The following ZC3H6 variants were observed in gnomAD, a reference collection of about 807,000 sequenced individuals.
ZC3H6 encodes the protein zinc finger CCCH domain-containing protein 6.
A neutral mutation model predicts 107.7 loss-of-function variants in ZC3H6; 40 were observed. The ratio of observed to expected loss-of-function variants is 0.37; its 90% CI spans 0.29 to 0.48. The LOEUF is 0.48. Ranked by LOEUF, ZC3H6 falls within the 20% of genes least tolerant of loss-of-function variation. The pLI is 0.98. For synonymous variants in ZC3H6, 493 were observed against 487.9 expected, an observed-to-expected ratio of 1.01 and a Z score of -0.14; for missense variants, 1,267 against 1,410.4, an observed-to-expected ratio of 0.90 and a Z score of 1.63.
intron 7 of ZC3H6, among the ~76,000 whole-genome samples, chr2:112,319,462 A>G (rs190974311): frequency 6.6e-6 from 1 of 152,318 alleles, no homozygotes; most frequent in Non-Finnish European, 1.5e-5. Flanking sequence ...CCTGGCCAAC[A>G]TAGTGAAACC....
intron 7 of ZC3H6, among the ~76,000 whole-genome samples, chr2:112,320,051 G>C (rs986358107): frequency 6.6e-6 from 1 of 152,154 alleles, no homozygotes; most frequent in Non-Finnish European, 1.5e-5. Flanking sequence ...TCCTGCCTCA[G>C]CCTCCCGAGT....
intron 9 of ZC3H6, among the ~76,000 whole-genome samples, chr2:112,323,449 C>T (rs1676842729): frequency 6.6e-6 from 1 of 152,116 alleles, no homozygotes; most frequent in African/African-American, 2.4e-5. Context: ...AACAAGAAAT[C>T]TATAGCAAAT....
intron 1 of ZC3H6, among the ~76,000 whole-genome samples, chr2:112,295,142 C>T (rs1676209125): frequency 6.6e-6 from 1 of 152,004 alleles, no homozygotes; most frequent in Admixed American, 6.6e-5. Context: ...ATAGATTTGC[C>T]TAAGATATAA....
intron 8 of ZC3H6, among the ~76,000 whole-genome samples, chr2:112,322,347 A>G (rs1295075226): frequency 3.9e-5 from 5 of 129,712 alleles, no homozygotes; most frequent in Non-Finnish European, 8.3e-5. Flanking sequence ...ACCGCCCCCC[A>G]CCCCTGCCCC....
At chr2:112,307,702 C>T (rs1048645155) in intron 3 of ZC3H6, among the ~76,000 whole-genome samples, 44 of 152,158 alleles carry the variant, frequency 2.9e-4, no homozygotes, top group African/African-American at 1.0e-3. Context: ...AGGACCTTAG[C>T]AGTCCACACT....
chr2:112,298,750 C>T (rs911170449), intron 1 of ZC3H6, among the ~76,000 whole-genome samples: 4 of 152,156 alleles, frequency 2.6e-5, no homozygotes, highest in African/African-American at 9.6e-5. Flanking sequence ...TACAAATTGT[C>T]GTATGCACAC....
chr2:112,278,682 G>T (rs1048932736), intron 1 of ZC3H6, among the ~76,000 whole-genome samples: 2 of 152,156 alleles, frequency 1.3e-5, no homozygotes, highest in African/African-American at 4.8e-5. Context: ...GAAAAAAAAT[G>T]AAGCCTATGA....
intron 1 of ZC3H6, among the ~76,000 whole-genome samples, chr2:112,296,660 G>A (rs1676241302): frequency 2.0e-5 from 3 of 152,132 alleles, no homozygotes; most frequent in Admixed American, 1.3e-4. Flanking sequence ...TATAGTAGAA[G>A]CTGGGGAAAA....
At chr2:112,327,018 GT>G (rs1676918416) in intron 11 of ZC3H6, among the ~76,000 whole-genome samples, 1 of 152,146 alleles carries the variant, frequency 6.6e-6, no homozygotes, top group Non-Finnish European at 1.5e-5. Flanking sequence ...CTGATTTCCT[GT>G]CTTTTGGGTA....
chr2:112,285,139 A>G (rs1377779712), intron 1 of ZC3H6, among the ~76,000 whole-genome samples: 2 of 152,144 alleles, frequency 1.3e-5, no homozygotes, highest in African/African-American at 2.4e-5. Flanking sequence ...AACTCTCTCA[A>G]TATTATTACA....
rs1677133685 is a variant in ZC3H6 at position 112,336,186 on chromosome 2, A to G, written c.*3698A>G. The G allele has an allele frequency of 6.6e-6, 1 of 152,212 alleles. No homozygotes were observed. The highest frequency in any genetic ancestry group is 2.4e-5 in the African/African-American group (1 of 41,464). The allele number at this position is 152,212 out of a possible 1,614,324, so 9.4% of individuals were successfully genotyped here. ...AGTTAGGAAGCTCCTAGGGACCAGG[A>G]TATGAGATCTTAAAGAGGCTGTCAG... is the stretch of plus-strand genomic sequence containing the variant. On this transcript the variant is annotated 3_prime_UTR_variant, in exon 12 of 12. Transcript: ENST00000409871.
chr2:112,295,207 C>T (rs1431758963), intron 1 of ZC3H6, among the ~76,000 whole-genome samples: 1 of 152,066 alleles, frequency 6.6e-6, no homozygotes, highest in Non-Finnish European at 1.5e-5. Flanking sequence ...GTCATTGGTA[C>T]AAGAACATGA....
chr2:112,296,457 T>C (rs1676235074), intron 1 of ZC3H6, among the ~76,000 whole-genome samples: 1 of 152,250 alleles, frequency 6.6e-6, no homozygotes, highest in African/African-American at 2.4e-5. Flanking sequence ...TATTTATAAT[T>C]TTTTACTATT....
intron 1 of ZC3H6, among the ~76,000 whole-genome samples, chr2:112,280,942 G>T (rs987628528): frequency 5.3e-4 from 80 of 151,210 alleles, no homozygotes; most frequent in African/African-American, 1.8e-3. Flanking sequence ...AGGAGGAAAT[G>T]GACTACAGAA....
At chr2:112,284,167 G>A (rs1391074697) in intron 1 of ZC3H6, among the ~76,000 whole-genome samples, 1 of 138,782 alleles carries the variant, frequency 7.2e-6, no homozygotes, top group East Asian at 1.9e-4. Flanking sequence ...GTGTGGGGTT[G>A]AGTTTTTTAT....
rs183992382 is a variant in ZC3H6, at chr2:112,311,886, A to T, written c.696A>T (p.Gly232=). The T allele has an allele frequency of 4.3e-6, 7 of 1,613,404 alleles. No individual in the cohort carries two copies. Among genetic ancestry groups the T allele is most frequent in the Non-Finnish European group, 5.1e-6 (6 of 1,179,602 alleles). The part of the protein sequence containing the change: ...PKKIKRKERG[G]RTNKGPNVFS... ...AAATCAAACGAAAAGAACGTGGGGG[A>T]AGAACCAATAAAGGGCCTAATGTGT... Residue 232 remains glycine (G), a synonymous_variant, in exon 5 of 12, where the codon GGA becomes GGT. Transcript: ENST00000409871.
intron 1 of ZC3H6, among the ~76,000 whole-genome samples, chr2:112,281,293 AG>A (rs1396647146): frequency 1.3e-5 from 2 of 152,112 alleles, no homozygotes; most frequent in Non-Finnish European, 2.9e-5. Flanking sequence ...AGGGAGTGGG[AG>A]GTAGAGAAAG....
At chr2:112,289,304 C>A (rs1409708320) in intron 1 of ZC3H6, among the ~76,000 whole-genome samples, 1 of 147,504 alleles carries the variant, frequency 6.8e-6, no homozygotes, top group Non-Finnish European at 1.5e-5. Flanking sequence ...AGGCCCTGAA[C>A]ACTTTTTTTT....
At position 112,332,743 on chromosome 2, in the gene ZC3H6, A is replaced by T. The variant is rs1186053362; in HGVS notation, c.*255A>T. 1.1e-5 allele frequency: 3 copies of T among 276,434 alleles called. No individual in the cohort carries two copies. Among genetic ancestry groups the T allele is most frequent in the African/African-American group, 2.2e-5 (1 of 45,174 alleles). 17.1% of individuals were successfully genotyped at this position (276,434 alleles called of 1,614,324 possible). On this transcript the variant is annotated 3_prime_UTR_variant, in exon 12 of 12. Coordinates refer to ENST00000409871, the MANE Select transcript of ZC3H6 (RefSeq NM_198581.3). ...AGTAAAAGTACTTTTATTGTAAATA[A>T]ACAATCATGAACTCAACACTCTGCC...
Sources: gnomAD v4.1 joint callset for allele counts (sites outside exome capture counted in the v4.1 genomes callset) on GRCh38, gnomAD v4.1.1 for gene constraint, MANE v1.5 for transcripts, NCBI Gene and HGNC (gene_info 2026-07-23, HGNC 2026-07-21) for gene names.